TSFM: variants seen among roughly 807,000 people sequenced by gnomAD.
The protein encoded by TSFM is Ts translation elongation factor, mitochondrial, also known as elongation factor Ts, mitochondrial.
In TSFM, 29 loss-of-function variants were observed where a neutral mutation model predicts 33.4. The ratio of observed to expected loss-of-function variants is 0.87; its 90% CI spans 0.65 to 1.18. The LOEUF is 1.18. TSFM is among the 50% of genes most tolerant of loss of function. The probability of loss-of-function intolerance (pLI) is 0.00; values close to 1 mark genes in which losing one functional copy is unlikely to be tolerated. For synonymous variants in TSFM, 178 were observed against 163.5 expected (o/e 1.09, Z -0.68); for missense variants, 394 against 395.6 (o/e 1.00, Z 0.04).
downstream of TSFM, chr12:57,800,044 GATAACA>G (rs1408144392): frequency 1.6e-6 from 2 of 1,280,298 alleles, no homozygotes; most frequent in African/African-American, 3.0e-5. Flanking sequence ...AATCATCTTT[GATAACA>G]ATGCTCCCCA....
chr12:57,785,193 C>T (rs11172337), intron 2 of TSFM, among the ~76,000 whole-genome samples: 47,269 of 151,850 alleles, frequency 0.31, 8,327 homozygotes, highest in Middle Eastern at 0.55. Context: ...CCCAAAGTGT[C>T]GGGATTACAG....
At chr12:57,795,579 A>G (rs778507976) in intron 5 of TSFM, among the ~76,000 whole-genome samples, 5 of 152,100 alleles carry the variant, frequency 3.3e-5, no homozygotes, top group Non-Finnish European at 5.9e-5. Flanking sequence ...AGTCACACAT[A>G]CTTGTGTCAC....
intron 5 of TSFM, 67 bp downstream of exon 5, chr12:57,793,140 C>A: frequency 1.5e-6 from 2 of 1,367,648 alleles, no homozygotes; most frequent in Non-Finnish European, 2.1e-6. Context: ...CTTGTTCCTC[C>A]AAATCTAGGT....
At position 57,783,149 on chromosome 12, in the gene TSFM, A is replaced by G. The variant is rs1201107563; in HGVS notation, c.97A>G (p.Thr33Ala). The change falls in exon 2 of 6, where the codon ACA (threonine) becomes GCA (alanine). Residue 33 changes from threonine to alanine, a missense_variant. Physicochemically the swap from Thr to Ala is moderately conservative, Grantham distance 58. Transcript: ENST00000652027. ...GCGTCAGTCGCCCCAGCCAAGGCAC[A>G]CATTTTATGCTGGGCCCCGTCTGTC... is the stretch of plus-strand genomic sequence containing the variant. ...LLRQSPQPRHTFYAGPRLSAS... is the reference protein window; with the variant it reads ...LLRQSPQPRHAFYAGPRLSAS... 1 of 1,612,768 alleles carries G rather than the reference A, an allele frequency of 6.2e-7. No homozygotes were observed. Among genetic ancestry groups the G allele is most frequent in the Non-Finnish European group, 8.5e-7 (1 of 1,179,870 alleles).
downstream of TSFM, chr12:57,799,648 GT>G (rs201823242): frequency 5.6e-5 from 60 of 1,065,290 alleles, no homozygotes; most frequent in Non-Finnish European, 7.0e-5. Flanking sequence ...AAGAACCCTG[GT>G]TTTTTTTGGT....
In TSFM at chr12:57,791,982, T is replaced by TGTAA. The variant is rs1335980346; in HGVS notation, c.484-1003_484-1000dup. 1.7e-5 allele frequency: 6 copies of TGTAA among 361,616 alleles called. No individual in the cohort carries two copies. Among genetic ancestry groups the TGTAA allele is most frequent in the African/African-American group, 1.3e-4 (6 of 46,358 alleles). 22.4% of individuals were successfully genotyped at this position (361,616 alleles called of 1,614,324 possible). A position where few individuals can be genotyped will look rare whatever the true frequency, so the allele number is the denominator to read the frequency against. On this transcript the variant is annotated intron_variant, in intron 4 of 5. Transcript: ENST00000652027. ...TTGGCCAGGTGCAGTGGCTCACGCC[T>TGTAA]GTAAACCTAGCACTTTGGGAGGCTG... is the stretch of plus-strand genomic sequence containing the variant.
Position 57,783,239 on chromosome 12 carries a change from A to G in TSFM, c.187A>G (p.Asn63Asp). 4.3e-6 allele frequency: 7 copies of G among 1,613,826 alleles called. No individual in the cohort carries two copies. The highest frequency in any genetic ancestry group is 5.9e-6 in the Non-Finnish European group (7 of 1,179,876). Reference protein sequence around the residue: ...LRRKTGYSFVNCKKALETCGG... With the variant: ...LRRKTGYSFVDCKKALETCGG... ...GCGGAAAACAGGCTACTCCTTTGTA[A>G]ATTGCAAGAAAGCTCTGGAGACTTG... The change falls in exon 2 of 6, where the codon AAT (asparagine) becomes GAT (aspartate). Residue 63 changes from asparagine (N) to aspartate (D), a missense_variant. By Grantham distance (23) the Asn-to-Asp change is conservative. Coordinates refer to ENST00000652027, the MANE Select transcript of TSFM (RefSeq NM_005726.6).
In TSFM at chr12:57,783,121, T is replaced by A. The variant is rs147317818; in HGVS notation, c.69T>A (p.Leu23=). Reference sequence around the variant, plus strand: ...CTTATCTCATCTAGGCTGGGTCTCTTCTGCGTCAGTCGCCCCAGCCAAGGC... The same window carrying A: ...CTTATCTCATCTAGGCTGGGTCTCTACTGCGTCAGTCGCCCCAGCCAAGGC... ...ARTGSYPAGS[L]LRQSPQPRHT... is the part of the protein sequence containing the mutation. Residue 23 remains leucine (L), a synonymous_variant, in exon 2 of 6, where the codon CTT becomes CTA. Transcript: ENST00000652027. The A allele has an allele frequency of 1.3e-4, 212 of 1,610,598 alleles. No homozygotes were observed. In the African/African-American group the frequency reaches 2.7e-3, roughly 20 times the overall value.
In TSFM at chr12:57,797,465, A is replaced by G; in HGVS notation, c.*882A>G. 8.1e-6 allele frequency: 8 copies of G among 985,284 alleles called. No homozygotes were observed. The highest frequency in any genetic ancestry group is 9.6e-6 in the Non-Finnish European group (8 of 829,742). 61.0% of individuals were successfully genotyped at this position (985,284 alleles called of 1,614,324 possible). On this transcript the variant is annotated 3_prime_UTR_variant, in exon 6 of 6. Transcript: ENST00000652027. ...TATTTGGATTTTGCCTATGGAGTGC[A>G]TATATGATTTCAATGATTTACAGGC...
Position 57,788,557 on chromosome 12 carries a change from G to A in TSFM, c.483+1395G>A, listed in dbSNP as rs373193376. 4.6e-5 allele frequency among the ~76,000 whole-genome samples: 7 copies of A among 151,958 alleles called. No homozygotes were observed. The East Asian group carries it at 1.2e-3, about 25-fold the overall frequency. ...CTCCCAAAGTGCTGGGATTACAGGC[G>A]TGAGCCACCATGCCTGGCCCCAGTG... On this transcript the variant is annotated intron_variant, in intron 4 of 5. Coordinates refer to ENST00000652027, the MANE Select transcript of TSFM (RefSeq NM_005726.6).
chr12:57,801,108 T>C (rs377066678), downstream of TSFM: 5 of 1,589,164 alleles, frequency 3.1e-6, no homozygotes, highest in East Asian at 2.2e-5. Context: ...TGGTTGCCCA[T>C]GTGGCTGGCT....
At chr12:57,791,310 G>A (rs182522660) in intron 4 of TSFM, among the ~76,000 whole-genome samples, 2 of 152,086 alleles carry the variant, frequency 1.3e-5, no homozygotes, top group Non-Finnish European at 2.9e-5. Context: ...GCGCCCGGCC[G>A]GCCAGGTTCA....
downstream of TSFM, chr12:57,799,739 T>G: frequency 6.2e-7 from 1 of 1,607,026 alleles, no homozygotes; most frequent in South Asian, 1.1e-5. Context: ...CTGAGCTGAG[T>G]TTTTTACTCA....
chr12:57,789,733 A>AGT (rs1426111661), intron 4 of TSFM, among the ~76,000 whole-genome samples: 1 of 152,210 alleles, frequency 6.6e-6, no homozygotes, highest in East Asian at 1.9e-4. Context: ...ATTTTTATTT[A>AGT]GTGATTTATT....
Position 57,786,285 on chromosome 12 carries a change from A to G in TSFM, c.354A>G (p.Leu118=), listed in dbSNP as rs1242930881. 4 of 1,610,870 alleles carry G rather than the reference A, an allele frequency of 2.5e-6. No individual in the cohort carries two copies. Among genetic ancestry groups the G allele is most frequent in the African/African-American group, 1.3e-5 (1 of 75,018 alleles). The change falls in exon 3 of 6, where the codon TTA becomes TTG. Residue 118 remains leucine, a synonymous_variant. Coordinates refer to ENST00000652027, the MANE Select transcript of TSFM (RefSeq NM_005726.6). ...TGCAGGAAGGAAACACAACTGTATT[A>G]GTAGAGGTGAGTTGTTGGAAATTCC... ...GLLQEGNTTV[L]VEVNCETDFV... is the part of the protein sequence containing the mutation.
chr12:57,783,001 C>A, intron 1 of TSFM, 109 bp from the exon 2 acceptor site: 1 of 1,472,702 alleles, frequency 6.8e-7, no homozygotes, highest in Non-Finnish European at 9.1e-7. Flanking sequence ...CCCCGGTGCA[C>A]CCCCCTTTGC....
downstream of TSFM, chr12:57,797,879 G>C: frequency 6.2e-7 from 1 of 1,608,380 alleles, no homozygotes; most frequent in Non-Finnish European, 8.5e-7. Flanking sequence ...AGGCCTTCTT[G>C]CTTTAGAAAA....
rs369783769 is a variant in TSFM, at chr12:57,796,390, G to T, written c.785G>T (p.Gly262Val). 6.2e-7 allele frequency: 1 copy of T among 1,602,314 alleles called. No homozygotes were observed. Among genetic ancestry groups the T allele is most frequent in the Non-Finnish European group, 8.5e-7 (1 of 1,174,258 alleles). The change falls in exon 6 of 6, where the codon GGC becomes GTC. Residue 262 changes from glycine (G) to valine (V), a missense_variant. Transcript: ENST00000652027. The part of the protein sequence containing the change: ...VGRRLGQHVV[G>V]MAPLSVGSLD... Reference sequence around the variant, plus strand: ...CGCCGCCTTGGGCAGCATGTGGTGGGCATGGCCCCCCTCTCTGTTGGCTCC... The same window carrying T: ...CGCCGCCTTGGGCAGCATGTGGTGGTCATGGCCCCCCTCTCTGTTGGCTCC...
Position 57,786,225 on chromosome 12 carries a change from A to T in TSFM, c.294A>T (p.Gln98His). The change falls in exon 3 of 6, where the codon CAA becomes CAT. Residue 98 changes from glutamine to histidine, a missense_variant. By Grantham distance (24) the Gln-to-His change is conservative. Transcript: ENST00000652027. ...GCTGGAGCAAAGCTGCCAAGCTCCA[A>T]GGGAGGAAGACCAAAGAAGGCCTGA... ...KEGWSKAAKLQGRKTKEGLIG... is the reference protein window; with the variant it reads ...KEGWSKAAKLHGRKTKEGLIG... 6.2e-7 allele frequency: 1 copy of T among 1,611,638 alleles called. No homozygotes were observed. Among genetic ancestry groups the T allele is most frequent in the South Asian group, 1.1e-5 (1 of 90,548 alleles).
Sources: gnomAD v4.1 joint callset for allele counts (sites outside exome capture counted in the v4.1 genomes callset) on GRCh38, gnomAD v4.1.1 for gene constraint, MANE v1.5 for transcripts, NCBI Gene and HGNC (gene_info 2026-07-23, HGNC 2026-07-21) for gene names.